The following PGAP1 variants were observed in gnomAD, a reference collection of about 807,000 sequenced individuals.
The protein encoded by PGAP1 is post-GPI attachment to proteins inositol deacylase 1.
A neutral mutation model predicts 127.0 loss-of-function variants in PGAP1; 76 were observed. The ratio of observed to expected loss-of-function variants is 0.60; its 90% CI spans 0.50 to 0.72. The LOEUF is 0.72. PGAP1 is among the 30% of genes least tolerant of loss of function. The probability of loss-of-function intolerance (pLI) is 0.00; values close to 1 mark genes in which losing one functional copy is unlikely to be tolerated. For synonymous variants in PGAP1, 362 were observed against 366.5 expected, an observed-to-expected ratio of 0.99 and a Z score of 0.14; for missense variants, 982 against 1,071.3, an observed-to-expected ratio of 0.92 and a Z score of 1.16.
chr2:196,911,721 C>T (rs1477075620), intron 4 of PGAP1, among the ~76,000 whole-genome samples: 2 of 150,482 alleles, frequency 1.3e-5, no homozygotes, highest in Non-Finnish European at 3.0e-5. Context: ...TTCATCTACT[C>T]ATATAATATT....
chr2:196,898,605 G>C (rs1304475085), intron 5 of PGAP1, among the ~76,000 whole-genome samples: 1 of 152,096 alleles, frequency 6.6e-6, no homozygotes, highest in Non-Finnish European at 1.5e-5. Flanking sequence ...GGTTAGTCAA[G>C]TTTAAATTAC....
chr2:196,842,999 T>C (rs1377620424), intron 25 of PGAP1, among the ~76,000 whole-genome samples, 174 bp from the exon 26 acceptor site: 1 of 152,142 alleles, frequency 6.6e-6, no homozygotes, highest in African/African-American at 2.4e-5. Flanking sequence ...ATCATCTTTG[T>C]ATTCAAGGTT....
At chr2:196,883,011 A>G (rs916646046) in intron 12 of PGAP1, among the ~76,000 whole-genome samples, 7 of 152,088 alleles carry the variant, frequency 4.6e-5, no homozygotes, top group African/African-American at 1.7e-4. Context: ...GGCTCTTATT[A>G]CTTTGAGATA....
chr2:196,877,262 T>C (rs1416614302), intron 13 of PGAP1, among the ~76,000 whole-genome samples: 1 of 152,104 alleles, frequency 6.6e-6, no homozygotes, highest in Non-Finnish European at 1.5e-5. Context: ...ATATTTGCAT[T>C]TCTAAAAATA....
At chr2:196,899,326 C>T (rs1436006717) in intron 5 of PGAP1, among the ~76,000 whole-genome samples, 1 of 152,174 alleles carries the variant, frequency 6.6e-6, no homozygotes, top group African/African-American at 2.4e-5. Flanking sequence ...GAATCACTAA[C>T]ACCCTGAACT....
In PGAP1 at chr2:196,916,468, G is replaced by A. The variant is rs1410587479; in HGVS notation, c.427C>T (p.Gln143Ter). Residue 143 changes from glutamine (Q) to a stop codon, truncating the protein, a stop_gained, in exon 3 of 27, where the codon CAG (glutamine) becomes TAG (stop). Transcript: ENST00000354764. LOFTEE classifies it high-confidence loss of function. ...VALYGGSLQK[Q>*]TKFVHECIKT... ...ATACATTCATGTACAAACTTGGTCT[G>A]CTTCTGAAGACTTCCACCATACAAA... 1 of 1,613,376 alleles carries A rather than the reference G, an allele frequency of 6.2e-7. No individual in the cohort carries two copies. The highest frequency in any genetic ancestry group is 8.5e-7 in the Non-Finnish European group (1 of 1,179,706).
In PGAP1 at chr2:196,880,150, G is replaced by A; in HGVS notation, c.1276C>T (p.Leu426=). Residue 426 remains leucine (L), a synonymous_variant, in exon 13 of 27, where the codon CTG becomes TTG. Coordinates refer to ENST00000354764, the MANE Select transcript of PGAP1 (RefSeq NM_024989.4). ...GGATAGTCTTGAAGTCTTAATGTCA[G>A]ATACTAAAATAAAAAAAAAAGAAAC... The part of the protein sequence containing the change: ...KAELLPTIKY[L]TLRLQDYPSL... 1 of 1,510,296 alleles carries A rather than the reference G, an allele frequency of 6.6e-7. No individual in the cohort carries two copies. Among genetic ancestry groups the A allele is most frequent in the Non-Finnish European group, 8.9e-7 (1 of 1,125,358 alleles). The allele number at this position is 1,510,296 out of a possible 1,614,324, so 93.6% of individuals were successfully genotyped here. A position where few individuals can be genotyped will look rare whatever the true frequency, so the allele number is the denominator to read the frequency against.
chr2:196,905,524 G>C (rs1256208860), intron 4 of PGAP1, among the ~76,000 whole-genome samples: 1 of 152,222 alleles, frequency 6.6e-6, no homozygotes. Flanking sequence ...ATGGTTTGGA[G>C]TCACTGGGGA....
At position 196,838,753 on chromosome 2, in the gene PGAP1, G is replaced by C. The variant is rs1264198631; in HGVS notation, c.*2481C>G. On this transcript the variant is annotated 3_prime_UTR_variant, in exon 27 of 27. Coordinates refer to ENST00000354764, the MANE Select transcript of PGAP1 (RefSeq NM_024989.4). The stretch of plus-strand genomic sequence containing the variant: ...TGTACCTAGTCTGCTGCTTTAAAAA[G>C]TAAATGTACGGCTGGGCGTGGTGGC... 6.6e-6 allele frequency: 1 copy of C among 152,128 alleles called. No homozygotes were observed. The highest frequency in any genetic ancestry group is 1.5e-5 in the Non-Finnish European group (1 of 68,014). 9.4% of individuals were successfully genotyped at this position (152,128 alleles called of 1,614,324 possible).
Position 196,902,732 on chromosome 2 carries a change from C to T in PGAP1, c.660G>A (p.Thr220=), listed in dbSNP as rs769633526. Residue 220 remains threonine, a synonymous_variant, in exon 5 of 27, where the codon ACG becomes ACA. Transcript: ENST00000354764. The part of the protein sequence containing the change: ...PLDRFITDFY[T]TVNNYWILNA... The stretch of plus-strand genomic sequence containing the variant: ...TTAGAATCCAATAGTTGTTTACAGT[C>T]GTATAAAAATCTGGTGGGGAATAAA... 10 of 1,598,178 alleles carry T rather than the reference C, an allele frequency of 6.3e-6. No individual in the cohort carries two copies. The highest frequency in any genetic ancestry group is 4.5e-5 in the East Asian group (2 of 44,672).
chr2:196,865,127 A>G (rs370221190), intron 19 of PGAP1, 47 bp from the exon 20 acceptor site: 6 of 1,042,454 alleles, frequency 5.8e-6, no homozygotes, highest in South Asian at 1.6e-5. Flanking sequence ...ATTCATGTTA[A>G]TAAGTGTACT....
chr2:196,865,104 G>C (rs1701196271), intron 19 of PGAP1, 24 bp from the exon 20 acceptor site: 2 of 1,299,204 alleles, frequency 1.5e-6, no homozygotes, highest in Admixed American at 4.9e-5. Flanking sequence ...AAGTCAATGG[G>C]CAACTCCTGA....
intron 21 of PGAP1, chr2:196,847,441 GTAGAAAGTAA>G (rs1473146341): frequency 4.0e-6 from 1 of 249,814 alleles, no homozygotes; most frequent in African/African-American, 2.3e-5. Context: ...ATTGATACTA[GTAGAAAGTAA>G]TATGTTCTTT....
chr2:196,889,775 C>T lies in PGAP1; in HGVS notation c.1173+1053G>A, dbSNP rs186384160. On this transcript the variant is annotated intron_variant, in intron 10 of 26. Transcript: ENST00000354764. Reference sequence around the variant, plus strand: ...TCTGGAGGCTGAGGCAGGAGAATGGCGTGAACCCGGGAGGTGGAGCTTGCA... The same window carrying T: ...TCTGGAGGCTGAGGCAGGAGAATGGTGTGAACCCGGGAGGTGGAGCTTGCA... Among the ~76,000 whole-genome samples the T allele has an allele frequency of 2.2e-3, 319 of 146,670 alleles. 2 individuals are homozygous for T. The highest frequency in any genetic ancestry group is 7.6e-3 in the African/African-American group (302 of 39,684).
chr2:196,851,529 C>T (rs80018086), intron 20 of PGAP1, among the ~76,000 whole-genome samples: 1,539 of 152,280 alleles, frequency 0.01, 22 homozygotes, highest in African/African-American at 0.035. Context: ...TGTTCCAATA[C>T]CCTATTCCCA....
chr2:196,866,770 C>A (rs1276700240), intron 19 of PGAP1, among the ~76,000 whole-genome samples: 2 of 151,290 alleles, frequency 1.3e-5, no homozygotes, highest in Non-Finnish European at 2.9e-5. Flanking sequence ...TAAACAAATT[C>A]ACAAGAAAAA....
At chr2:196,911,485 T>C (rs1452938470) in intron 4 of PGAP1, among the ~76,000 whole-genome samples, 1 of 88,622 alleles carries the variant, frequency 1.1e-5, no homozygotes, top group African/African-American at 4.4e-5. Context: ...AGGGATAGCA[T>C]TGGGAGATAT....
chr2:196,917,249 G>A (rs1703044511), intron 2 of PGAP1, among the ~76,000 whole-genome samples: 1 of 151,930 alleles, frequency 6.6e-6, no homozygotes, highest in Admixed American at 6.6e-5. Flanking sequence ...GCTTATATTA[G>A]GTGGCACAAA....
Position 196,885,467 on chromosome 2 carries a change from C to G in PGAP1, c.1229G>C (p.Gly410Ala), listed in dbSNP as rs774070271. 2 of 1,596,798 alleles carry G rather than the reference C, an allele frequency of 1.3e-6. No homozygotes were observed. Among genetic ancestry groups the G allele is most frequent in the African/African-American group, 1.3e-5 (1 of 74,172 alleles). The change falls in exon 12 of 27, where the codon GGG becomes GCG. Residue 410 changes from glycine to alanine, a missense_variant. Transcript: ENST00000354764. ...TTCAGCTTTCCATGATAAATCAACC[C>G]CTTGCAGGCTTTGAAATAAATATGA... The part of the protein sequence containing the change: ...CINSTSMCLQ[G>A]VDLSWKAELL...
Sources: allele counts gnomAD v4.1 joint callset (sites outside exome capture counted in the v4.1 genomes callset), GRCh38; gene constraint gnomAD v4.1.1; transcripts MANE v1.5; gene names NCBI Gene and HGNC (gene_info 2026-07-23, HGNC 2026-07-21).